The following ZDHHC2 variants were observed in gnomAD, a reference collection of about 807,000 sequenced individuals.
ZDHHC2 encodes the protein palmitoyltransferase ZDHHC2.
ZDHHC2 carries 51 observed loss-of-function variants against 55.6 expected under a neutral mutation model. The ratio of observed to expected loss-of-function variants is 0.92; its 90% CI spans 0.73 to 1.16. The LOEUF (loss-of-function observed/expected upper bound fraction) is 1.16. Among genes scored for constraint, ZDHHC2 ranks in the 50% most tolerant of loss-of-function variants. The pLI, the probability that ZDHHC2 is intolerant of heterozygous loss-of-function variation, is 0.00. For synonymous variants in ZDHHC2, 199 were observed against 152.9 expected (o/e 1.30, Z -2.22); for missense variants, 491 against 442.4 (o/e 1.11, Z -0.99).
At chr8:17,159,367 G>A (rs1393414059) in intron 1 of ZDHHC2, among the ~76,000 whole-genome samples, 2 of 152,164 alleles carry the variant, frequency 1.3e-5, no homozygotes, top group African/African-American at 2.4e-5. Flanking sequence ...CTGGGAACTG[G>A]ATCAGGTAGC....
intron 1 of ZDHHC2, among the ~76,000 whole-genome samples, chr8:17,167,731 ATAAAT>A (rs1401055933): frequency 6.6e-6 from 1 of 152,242 alleles, no homozygotes; most frequent in Non-Finnish European, 1.5e-5. Flanking sequence ...AATTTAAAAG[ATAAAT>A]TATATGTGTA....
At position 17,199,562 on chromosome 8, in the gene ZDHHC2, T is replaced by TTCGTCTTCG. The variant is rs1418061759; in HGVS notation, c.476+1151_476+1152insGTCTTCGTC. Among the ~76,000 whole-genome samples the TTCGTCTTCG allele has an allele frequency of 2.4e-4, 19 of 80,780 alleles. No individual in the cohort carries two copies. In the East Asian group the frequency reaches 5.3e-3, roughly 23 times the overall value. The allele number at this position is 80,780 out of a possible 152,430, so 53.0% of individuals were successfully genotyped here. A position where few individuals can be genotyped will look rare whatever the true frequency, so the allele number is the denominator to read the frequency against. ...TTCGTCTTCTGTCTTCGTCTTCGTC[T>TTCGTCTTCG]TCTTCGTCTTTGTCTTCTTCTTCTT... On this transcript the variant is annotated intron_variant, in intron 6 of 12. Coordinates refer to ENST00000262096, the MANE Select transcript of ZDHHC2 (RefSeq NM_016353.5).
In ZDHHC2 at chr8:17,221,991, T is replaced by G. The variant is rs941456805; in HGVS notation, c.*1770T>G. On this transcript the variant is annotated 3_prime_UTR_variant, in exon 13 of 13. Coordinates refer to ENST00000262096, the MANE Select transcript of ZDHHC2 (RefSeq NM_016353.5). ...ATGAAGTCAGGTTTGTTTTTTTTTT[T>G]TTTTTTTTTTCAAAGCACAGTACTG... The G allele has an allele frequency of 1.3e-5, 2 of 150,414 alleles. No homozygotes were observed. Among genetic ancestry groups the G allele is most frequent in the East Asian group, 1.9e-4 (1 of 5,168 alleles). The allele number at this position is 150,414 out of a possible 1,614,324, so 9.3% of individuals were successfully genotyped here.
intron 10 of ZDHHC2, among the ~76,000 whole-genome samples, chr8:17,214,487 T>C (rs746171085): frequency 3.9e-5 from 6 of 152,238 alleles, no homozygotes; most frequent in Non-Finnish European, 7.3e-5. Context: ...TTTTCTTCCA[T>C]ATCCACATAT....
At chr8:17,195,273 G>A (rs931562740) in intron 3 of ZDHHC2, among the ~76,000 whole-genome samples, 1 of 152,102 alleles carries the variant, frequency 6.6e-6, no homozygotes, top group Non-Finnish European at 1.5e-5. Context: ...AAAACCAGAG[G>A]AAGTAGGTAC....
In ZDHHC2 at chr8:17,156,979, C is replaced by T. The variant is rs1482715897; in HGVS notation, c.130+126C>T. ...CCCGGGCGCTGCCAACCTGCCGCGT[C>T]CCGCCGGCTCCGCCGCTAAAAGCAG... On this transcript the variant is annotated intron_variant, in intron 1 of 12. Transcript: ENST00000262096. 5.7e-6 allele frequency: 5 copies of T among 884,590 alleles called. No homozygotes were observed. The African/African-American group carries it at 7.2e-5, about 13-fold the overall frequency. 54.8% of individuals were successfully genotyped at this position (884,590 alleles called of 1,614,324 possible).
At chr8:17,215,497 C>A in intron 11 of ZDHHC2, 148 bp downstream of exon 11, 1 of 726,736 alleles carries the variant, frequency 1.4e-6, no homozygotes, top group Non-Finnish European at 2.3e-6. Flanking sequence ...TTTCAAAGAA[C>A]TATTTATGAG....
chr8:17,218,178 A>G (rs201619946), intron 12 of ZDHHC2, among the ~76,000 whole-genome samples: 5 of 152,222 alleles, frequency 3.3e-5, no homozygotes, highest in Non-Finnish European at 7.3e-5. Flanking sequence ...ACCTGTTGCT[A>G]CAGTAGGTCA....
intron 3 of ZDHHC2, among the ~76,000 whole-genome samples, chr8:17,191,127 A>AT (rs777558297): frequency 6.6e-6 from 1 of 151,446 alleles, no homozygotes; most frequent in Non-Finnish European, 1.5e-5. Context: ...ACGCCCGGCT[A>AT]TTTTTTGTGG....
intron 5 of ZDHHC2, 25 bp downstream of exon 5, chr8:17,197,676 A>G (rs2150924997): frequency 6.3e-7 from 1 of 1,594,236 alleles, no homozygotes; most frequent in Non-Finnish European, 8.6e-7. Context: ...AACTTCTAAA[A>G]TATCTACATG....
intron 6 of ZDHHC2, 62 bp downstream of exon 6, chr8:17,198,475 C>G: frequency 2.1e-6 from 3 of 1,460,768 alleles, no homozygotes; most frequent in Non-Finnish European, 1.9e-6. Flanking sequence ...AATTAAATCA[C>G]TTATCCATGT....
chr8:17,207,769 AT>A (rs1807175006), intron 7 of ZDHHC2, among the ~76,000 whole-genome samples, 190 bp from the exon 8 acceptor site: 1 of 152,012 alleles, frequency 6.6e-6, no homozygotes, highest in African/African-American at 2.4e-5. Flanking sequence ...ATATATTCAT[AT>A]TCTCGTAAAC....
At chr8:17,193,772 CA>C (rs1806161510) in intron 3 of ZDHHC2, among the ~76,000 whole-genome samples, 5 of 147,070 alleles carry the variant, frequency 3.4e-5, no homozygotes, top group Non-Finnish European at 7.6e-5. Context: ...GGCTTATTAG[CA>C]TTTTTTTTAT....
At chr8:17,198,325 T>A (rs1806430938) in intron 5 of ZDHHC2, 56 bp from the exon 6 acceptor site, 1 of 1,463,372 alleles carries the variant, frequency 6.8e-7, no homozygotes, top group Non-Finnish European at 9.2e-7. Context: ...TTTTATAATT[T>A]AATATGATTA....
chr8:17,202,381 C>A (rs2150934215), intron 6 of ZDHHC2, among the ~76,000 whole-genome samples: 1 of 152,090 alleles, frequency 6.6e-6, no homozygotes. Context: ...GGCTCAAAGT[C>A]ACATAGGAAA....
intron 6 of ZDHHC2, among the ~76,000 whole-genome samples, chr8:17,204,206 G>A (rs1277001013): frequency 3.9e-5 from 6 of 152,084 alleles, no homozygotes; most frequent in Non-Finnish European, 7.4e-5. Flanking sequence ...ATTTTTTGAG[G>A]GAGATGATGT....
chr8:17,184,002 A>AGCT (rs1805570387), intron 1 of ZDHHC2, among the ~76,000 whole-genome samples: 1 of 152,156 alleles, frequency 6.6e-6, no homozygotes, highest in Non-Finnish European at 1.5e-5. Flanking sequence ...CCTTTTGAAA[A>AGCT]GCTGAATAAG....
At chr8:17,196,996 A>T (rs748430298) in intron 4 of ZDHHC2, among the ~76,000 whole-genome samples, 2 of 152,300 alleles carry the variant, frequency 1.3e-5, no homozygotes, top group African/African-American at 4.8e-5. Context: ...TATAAGTCTC[A>T]CACATAATGT....
intron 1 of ZDHHC2, among the ~76,000 whole-genome samples, chr8:17,175,901 C>T (rs1178401664): frequency 6.6e-6 from 1 of 152,166 alleles, no homozygotes; most frequent in Non-Finnish European, 1.5e-5. Context: ...TGGAGCTTTT[C>T]AGACTGGGCA....
Sources: gnomAD v4.1 joint callset for allele counts (sites outside exome capture counted in the v4.1 genomes callset) on GRCh38, gnomAD v4.1.1 for gene constraint, MANE v1.5 for transcripts, NCBI Gene and HGNC (gene_info 2026-07-23, HGNC 2026-07-21) for gene names.